EPHA6: variants seen among roughly 807,000 people sequenced by gnomAD.
EPHA6 encodes the protein EPH receptor A6, also known as ephrin type-A receptor 6.
A neutral mutation model predicts 112.0 loss-of-function variants in EPHA6; 50 were observed. That is an observed-to-expected ratio of 0.45 (90% CI 0.36 to 0.56). EPHA6 has a LOEUF of 0.56. EPHA6 is among the 20% of genes least tolerant of loss of function. The pLI is 0.00. For missense variants in EPHA6, 1,280 were observed against 1,417.4 expected, an observed-to-expected ratio of 0.90 and a Z score of 1.56; for synonymous variants, 529 against 490.7, an observed-to-expected ratio of 1.08 and a Z score of -1.03.
chr3:97,412,968 G>A (rs1057403890), intron 6 of EPHA6, among the ~76,000 whole-genome samples: 71 of 151,886 alleles, frequency 4.7e-4, no homozygotes, highest in South Asian at 3.5e-3. Context: ...CCAAGAATCA[G>A]TGTAGCTTGG....
intron 3 of EPHA6, among the ~76,000 whole-genome samples, chr3:97,136,596 G>T (rs1475864442): frequency 6.6e-6 from 1 of 152,058 alleles, no homozygotes. Context: ...AAGTATGGTG[G>T]CATGTACCTG....
chr3:97,225,586 T>C (rs1023036520), intron 3 of EPHA6, among the ~76,000 whole-genome samples: 3 of 152,188 alleles, frequency 2.0e-5, no homozygotes, highest in Non-Finnish European at 4.4e-5. Context: ...GAGACTATTG[T>C]ATATTTGTGT....
intron 12 of EPHA6, among the ~76,000 whole-genome samples, chr3:97,605,793 T>C (rs755165712): frequency 1.3e-5 from 2 of 151,580 alleles, no homozygotes; most frequent in African/African-American, 2.4e-5. Flanking sequence ...AGGTTGGTAA[T>C]TTGATGGGAA....
chr3:97,324,380 T>G (rs1265718042), intron 5 of EPHA6, among the ~76,000 whole-genome samples: 1 of 150,224 alleles, frequency 6.7e-6, no homozygotes, highest in Non-Finnish European at 1.5e-5. Flanking sequence ...TGCTACCAGA[T>G]TCTAAGATTT....
At chr3:97,078,577 T>C (rs568107489) in intron 3 of EPHA6, among the ~76,000 whole-genome samples, 31 of 152,130 alleles carry the variant, frequency 2.0e-4, no homozygotes, top group Non-Finnish European at 1.5e-5. Flanking sequence ...TTATATAAGG[T>C]GTAAGGAAGG....
At chr3:96,974,090 AAAT>A (rs2042425279) in intron 2 of EPHA6, among the ~76,000 whole-genome samples, 1 of 146,306 alleles carries the variant, frequency 6.8e-6, no homozygotes, top group African/African-American at 2.5e-5. Flanking sequence ...TAATAATTAT[AAAT>A]AATATAATGA....
chr3:97,194,143 A>G (rs1028898849), intron 3 of EPHA6, among the ~76,000 whole-genome samples: 1 of 151,098 alleles, frequency 6.6e-6, no homozygotes, highest in South Asian at 2.1e-4. Flanking sequence ...CTAGTTCTTT[A>G]GTTTGTAGAG....
intron 3 of EPHA6, among the ~76,000 whole-genome samples, chr3:97,159,089 G>T (rs888569304): frequency 6.6e-6 from 1 of 152,006 alleles, no homozygotes; most frequent in African/African-American, 2.4e-5. Flanking sequence ...GAACTGCCTG[G>T]ACCATTATTA....
chr3:96,886,972 T>G (rs2037661606), intron 2 of EPHA6, among the ~76,000 whole-genome samples: 1 of 152,198 alleles, frequency 6.6e-6, no homozygotes, highest in Non-Finnish European at 1.5e-5. Flanking sequence ...TCTTGAATAT[T>G]TCTACCTTAA....
rs189334151 is a variant in EPHA6, at chr3:97,239,153, C to G, written c.1271-4799C>G. On this transcript the variant is annotated intron_variant, in intron 4 of 17. Transcript: ENST00000389672. ...ATGCAAAAGATTTGAAGTGTGCATACTCCTGAATTTTGAGTAATATTTACT... is the reference window on the plus strand; with the variant it reads ...ATGCAAAAGATTTGAAGTGTGCATAGTCCTGAATTTTGAGTAATATTTACT... 3.8e-3 allele frequency among the ~76,000 whole-genome samples: 577 copies of G among 151,972 alleles called. 2 individuals carry two copies. Among genetic ancestry groups the G allele is most frequent in the African/African-American group, 0.011 (473 of 41,516 alleles).
At chr3:97,080,838 A>T (rs945556068) in intron 3 of EPHA6, among the ~76,000 whole-genome samples, 2 of 151,924 alleles carry the variant, frequency 1.3e-5, no homozygotes, top group South Asian at 2.1e-4. Context: ...ACATATTTCA[A>T]TTTTTTTGGA....
At chr3:97,115,441 G>T (rs972032911) in intron 3 of EPHA6, among the ~76,000 whole-genome samples, 1 of 151,764 alleles carries the variant, frequency 6.6e-6, no homozygotes, top group Admixed American at 6.6e-5. Flanking sequence ...TGTAAGATTT[G>T]CAGGGGAAGG....
chr3:97,424,806 CA>C (rs60277455), intron 6 of EPHA6, among the ~76,000 whole-genome samples: 3,092 of 52,096 alleles, frequency 0.059, 58 homozygotes, highest in African/African-American at 0.14. Flanking sequence ...AACTCTGTCT[CA>C]AAAAAAAAAA....
chr3:97,179,783 G>A (rs1034182463), intron 3 of EPHA6, among the ~76,000 whole-genome samples: 1 of 146,142 alleles, frequency 6.8e-6, no homozygotes, highest in East Asian at 2.0e-4. Flanking sequence ...AAAGCTGGAG[G>A]TGGGGTGTTA....
chr3:97,479,244 T>C (rs1437476027), intron 8 of EPHA6, 50 bp from the exon 9 acceptor site: 1 of 1,170,426 alleles, frequency 8.5e-7, no homozygotes, highest in African/African-American at 1.6e-5. Context: ...TTTTGCATTG[T>C]ATGCATCATA....
At chr3:97,086,084 G>A (rs2046891903) in intron 3 of EPHA6, among the ~76,000 whole-genome samples, 1 of 151,408 alleles carries the variant, frequency 6.6e-6, no homozygotes, top group Non-Finnish European at 1.5e-5. Context: ...ACCCACCCCG[G>A]CCACTGTACC....
intron 14 of EPHA6, among the ~76,000 whole-genome samples, chr3:97,696,006 GA>G (rs1383276899): frequency 1.3e-5 from 2 of 152,190 alleles, no homozygotes; most frequent in East Asian, 3.8e-4. Context: ...ATTAGGCACT[GA>G]AAAGATATTT....
rs1342397073 is a variant in EPHA6 at position 97,441,720 on chromosome 3, A to G, written c.1732-6848A>G. On this transcript the variant is annotated intron_variant, in intron 6 of 17. Transcript: ENST00000389672. ...TAAGGTTTCTGTTACTATAGTGACTAAAATATTTAAAATGTAATTATAAGT... is the reference window on the plus strand; with the variant it reads ...TAAGGTTTCTGTTACTATAGTGACTGAAATATTTAAAATGTAATTATAAGT... 2.6e-5 allele frequency among the ~76,000 whole-genome samples: 4 copies of G among 152,090 alleles called. No homozygotes were observed. In the South Asian group the frequency reaches 8.3e-4, roughly 31 times the overall value.
chr3:96,931,092 A>T (rs957890373), intron 2 of EPHA6, among the ~76,000 whole-genome samples: 2 of 147,232 alleles, frequency 1.4e-5, no homozygotes, highest in African/African-American at 5.0e-5. Flanking sequence ...CCTGATTGTT[A>T]TGGGTTTTCC....
Sources: gnomAD v4.1 joint callset for allele counts (sites outside exome capture counted in the v4.1 genomes callset) on GRCh38, gnomAD v4.1.1 for gene constraint, MANE v1.5 for transcripts, NCBI Gene and HGNC (gene_info 2026-07-23, HGNC 2026-07-21) for gene names.